The following GFPT2 variants were observed in gnomAD, a reference collection of about 807,000 sequenced individuals.
GFPT2 encodes glutamine--fructose-6-phosphate aminotransferase [isomerizing] 2.
GFPT2 carries 62 observed loss-of-function variants against 85.6 expected under a neutral mutation model. That is an observed-to-expected ratio of 0.72 (90% CI 0.59 to 0.90). The LOEUF (loss-of-function observed/expected upper bound fraction) is 0.90, where lower values mean the gene tolerates loss of function less well. Among genes scored for constraint, GFPT2 ranks in the 40% least tolerant of loss-of-function variants. The pLI is 0.00. For missense variants in GFPT2, 788 were observed against 893.4 expected (o/e 0.88, Z 1.50); for synonymous variants, 368 against 344.5 (o/e 1.07, Z -0.75).
At chr5:180,303,011 C>T (rs1282923068) in intron 17 of GFPT2, among the ~76,000 whole-genome samples, 2 of 151,346 alleles carry the variant, frequency 1.3e-5, no homozygotes, top group Admixed American at 6.6e-5. Flanking sequence ...GGGTGGATCA[C>T]GAGGTCAGGA....
chr5:180,338,381 A>G, intron 2 of GFPT2, 112 bp downstream of exon 2: 1 of 480,438 alleles, frequency 2.1e-6, no homozygotes. Context: ...AAGAGACGTT[A>G]AAAAGTAGCA....
In GFPT2 at chr5:180,330,713, ACTCT is replaced by A; in HGVS notation, c.517_520del (p.Arg173SerfsTer58). On this transcript the variant is annotated frameshift_variant, in exon 6 of 19. Coordinates refer to ENST00000253778, the MANE Select transcript of GFPT2 (RefSeq NM_005110.4). LOFTEE classifies it high-confidence loss of function. This position sits in a 1 kb window ranked among gnomAD's most constrained non-coding sequence, Gnocchi z 4.4. ...TTTGTAACTCACCAACTGCTGAATG[ACTCT>A]CTCGACCAACGTTGAAAACGTAATG... 1 of 1,611,932 alleles carries A rather than the reference ACTCT, an allele frequency of 6.2e-7. No homozygotes were observed. The highest frequency in any genetic ancestry group is 8.5e-7 in the Non-Finnish European group (1 of 1,178,474).
intron 17 of GFPT2, among the ~76,000 whole-genome samples, chr5:180,303,286 A>G (rs911572978): frequency 1.2e-4 from 18 of 152,146 alleles, no homozygotes; most frequent in African/African-American, 3.9e-4. Context: ...AAAACAGGAT[A>G]ATGTCATTGG....
In GFPT2 at chr5:180,304,759, G is replaced by A; in HGVS notation, c.1842+13C>T. 1 of 1,608,848 alleles carries A rather than the reference G, an allele frequency of 6.2e-7. No homozygotes were observed. Among genetic ancestry groups the A allele is most frequent in the Admixed American group, 1.7e-5 (1 of 59,958 alleles). On this transcript the variant is annotated intron_variant, in intron 17 of 18. Transcript: ENST00000253778. ...CAGGAGAGAGCTGGCCCAGTCCAGT[G>A]GAGAGCCCTCACCTGGCGGGCCGTG...
chr5:180,312,500 C>T lies in GFPT2; in HGVS notation c.1476G>A (p.Met492Ile), dbSNP rs1439301800. The T allele has an allele frequency of 6.2e-7, 1 of 1,611,298 alleles. No homozygotes were observed. Among genetic ancestry groups the T allele is most frequent in the South Asian group, 1.1e-5 (1 of 91,030 alleles). ...QFISLVMFGLMMSEDRISLQN... is the reference protein window; with the variant it reads ...QFISLVMFGLIMSEDRISLQN... ...GTAGTGAAATTCGGTCTTCAGACATCATCAAACCAAACATCACCAGAGAGA... is the reference window on the plus strand; with the variant it reads ...GTAGTGAAATTCGGTCTTCAGACATTATCAAACCAAACATCACCAGAGAGA... The change falls in exon 15 of 19, where the codon ATG (methionine) becomes ATA (isoleucine). Residue 492 changes from methionine to isoleucine, a missense_variant. Transcript: ENST00000253778.
chr5:180,343,282 G>A (rs1225104372), intron 1 of GFPT2, among the ~76,000 whole-genome samples: 1 of 152,220 alleles, frequency 6.6e-6, no homozygotes, highest in Non-Finnish European at 1.5e-5. Flanking sequence ...GCACACGTCA[G>A]GCGAGAACGT....
chr5:180,343,341 C>G (rs1764555039), intron 1 of GFPT2, among the ~76,000 whole-genome samples: 1 of 152,236 alleles, frequency 6.6e-6, no homozygotes. Flanking sequence ...ACGACAGCCT[C>G]CTGGACAGCA....
intron 17 of GFPT2, 122 bp from the exon 18 acceptor site, chr5:180,302,706 A>G: frequency 1.4e-6 from 1 of 709,128 alleles, no homozygotes; most frequent in Non-Finnish European, 2.3e-6. Context: ...CATTTGCTGG[A>G]GTCATGGGTG....
chr5:180,352,251 G>A (rs1187548431), intron 1 of GFPT2: 1 of 367,582 alleles, frequency 2.7e-6, no homozygotes, highest in African/African-American at 2.3e-5. Flanking sequence ...CCTCAGCAAA[G>A]TCAGAGAGAG....
At chr5:180,316,558 C>A (rs1764013809) in intron 12 of GFPT2, 97 bp from the exon 13 acceptor site, 1 of 1,363,916 alleles carries the variant, frequency 7.3e-7, no homozygotes, top group Non-Finnish European at 1.0e-6. Flanking sequence ...TGACACGGAA[C>A]CTCACTGTCC....
chr5:180,304,880 G>T lies in GFPT2; in HGVS notation c.1734C>A (p.His578Gln). ...GCTTGTCAATCAGTGCCAGGGGCCC[G>T]TGCTTCAGCTCCCCAGCCAGGATGC... ...SEGILAGELKHGPLALIDKQM... is the reference protein window; with the variant it reads ...SEGILAGELKQGPLALIDKQM... The change falls in exon 17 of 19, where the codon CAC (histidine) becomes CAA (glutamine). Residue 578 changes from histidine to glutamine, a missense_variant. His to Gln is a conservative substitution (Grantham distance 24, BLOSUM62 0). Transcript: ENST00000253778. 6.2e-7 allele frequency: 1 copy of T among 1,612,998 alleles called. No homozygotes were observed.
chr5:180,326,409 T>C (rs1012561711), intron 7 of GFPT2, among the ~76,000 whole-genome samples: 19 of 152,248 alleles, frequency 1.2e-4, no homozygotes, highest in Non-Finnish European at 2.8e-4. Context: ...AATGAACTAA[T>C]GAAGTGCTTG....
rs1459322704 is a variant in GFPT2 at position 180,330,830 on chromosome 5, C to T, written c.404G>A (p.Ser135Asn). 1.2e-6 allele frequency: 2 copies of T among 1,614,000 alleles called. No individual in the cohort carries two copies. Among genetic ancestry groups the T allele is most frequent in the Non-Finnish European group, 1.7e-6 (2 of 1,179,882 alleles). Residue 135 changes from serine (S) to asparagine (N), a missense_variant, in exon 6 of 19, where the codon AGC (serine) becomes AAC (asparagine). By Grantham distance (46) the Ser-to-Asn change is conservative (BLOSUM62 1). Transcript: ENST00000253778. The surrounding 1 kb of genome is among the most constrained non-coding windows in gnomAD (Gnocchi z 4.4). Reference sequence around the variant, plus strand: ...TTCTGACTCAAACTCGTAGCCTTTGCTTTCCTGGAATATGCAGTCGGCACA... The same window carrying T: ...TTCTGACTCAAACTCGTAGCCTTTGTTTTCCTGGAATATGCAGTCGGCACA... Reference protein sequence around the residue: ...NYKDLRKFLESKGYEFESETD... With the variant: ...NYKDLRKFLENKGYEFESETD...
intron 9 of GFPT2, among the ~76,000 whole-genome samples, chr5:180,322,008 C>T (rs902758472): frequency 2.0e-5 from 3 of 151,768 alleles, no homozygotes; most frequent in Non-Finnish European, 4.4e-5. Flanking sequence ...AGGATGGTCT[C>T]GATCTCCTGA....
intron 15 of GFPT2, among the ~76,000 whole-genome samples, 193 bp from the exon 16 acceptor site, chr5:180,307,496 G>GCCA (rs1763804866): frequency 6.6e-6 from 1 of 152,218 alleles, no homozygotes; most frequent in Non-Finnish European, 1.5e-5. Flanking sequence ...TGTTAGGATG[G>GCCA]GGATTCGTGT....
At chr5:180,329,086 C>T (rs1429045795) in intron 6 of GFPT2, among the ~76,000 whole-genome samples, 1 of 152,364 alleles carries the variant, frequency 6.6e-6, no homozygotes, top group East Asian at 1.9e-4. Flanking sequence ...CCCCCACGTC[C>T]TGACCATCCT....
chr5:180,353,273 T>TG lies in GFPT2; in HGVS notation c.-57dup, dbSNP rs1386664354. ...CGAGGGGGTCTGCCCGTTCGGACGC[T>TG]GGGGCTCCTCCGTGGGCTCCTCCGT... On this transcript the variant is annotated 5_prime_UTR_variant, in exon 1 of 19. Coordinates refer to ENST00000253778, the MANE Select transcript of GFPT2 (RefSeq NM_005110.4). 1 of 1,234,300 alleles carries TG rather than the reference T, an allele frequency of 8.1e-7. No homozygotes were observed. Among genetic ancestry groups the TG allele is most frequent in the African/African-American group, 1.6e-5 (1 of 64,036 alleles). The allele number at this position is 1,234,300 out of a possible 1,614,324, so 76.5% of individuals were successfully genotyped here. A position where few individuals can be genotyped will look rare whatever the true frequency, so the allele number is the denominator to read the frequency against.
chr5:180,321,885 G>A (rs1023600472), intron 9 of GFPT2, among the ~76,000 whole-genome samples: 5 of 152,170 alleles, frequency 3.3e-5, no homozygotes, highest in African/African-American at 7.2e-5. Flanking sequence ...CCGGGTTCAC[G>A]CCATTCTCCT....
chr5:180,337,577 C>A (rs961598231), intron 2 of GFPT2, among the ~76,000 whole-genome samples: 5 of 151,916 alleles, frequency 3.3e-5, no homozygotes, highest in South Asian at 2.1e-4. Context: ...CAACGTACAA[C>A]ACCTCCACCA....
Sources: gnomAD v4.1 joint callset for allele counts (sites outside exome capture counted in the v4.1 genomes callset) on GRCh38, gnomAD v4.1.1 for gene constraint, Gnocchi (gnomAD v3.1) non-coding constraint, MANE v1.5 for transcripts, NCBI Gene and HGNC (gene_info 2026-07-23, HGNC 2026-07-21) for gene names.